The following PTPRD variants were observed in gnomAD, a reference collection of about 807,000 sequenced individuals.
PTPRD encodes the protein protein tyrosine phosphatase receptor type D.
A neutral mutation model predicts 214.5 loss-of-function variants in PTPRD; 34 were observed. The observed-to-expected ratio is 0.16, with a 90% CI of 0.12 to 0.21. The LOEUF is 0.21. Ranked by LOEUF, PTPRD falls within the 10% of genes least tolerant of loss-of-function variation. The probability of loss-of-function intolerance (pLI) is 1.00; values close to 1 mark genes in which losing one functional copy is unlikely to be tolerated. For synonymous variants in PTPRD, 1,128 were observed against 845.7 expected, an observed-to-expected ratio of 1.33 and a Z score of -5.79; for missense variants, 2,545 against 2,398.7, an observed-to-expected ratio of 1.06 and a Z score of -1.27.
At chr9:8,455,881 T>C (rs1405958249) in intron 33 of PTPRD, among the ~76,000 whole-genome samples, 6 of 152,154 alleles carry the variant, frequency 3.9e-5, no homozygotes, top group Non-Finnish European at 7.4e-5. Context: ...AAAAGGCTGT[T>C]TTGAGTATTC....
intron 9 of PTPRD, among the ~76,000 whole-genome samples, chr9:9,245,321 T>C (rs1298969756): frequency 6.6e-6 from 1 of 152,126 alleles, no homozygotes; most frequent in Non-Finnish European, 1.5e-5. Flanking sequence ...CATGCACACG[T>C]ATGTTTATTG....
intron 7 of PTPRD, among the ~76,000 whole-genome samples, chr9:9,596,630 A>G (rs2093372503): frequency 6.6e-6 from 1 of 152,048 alleles, no homozygotes; most frequent in South Asian, 2.1e-4. Context: ...TGACAAATAA[A>G]AAGCTGAATT....
intron 6 of PTPRD, among the ~76,000 whole-genome samples, chr9:9,756,855 A>G (rs999771477): frequency 6.6e-6 from 1 of 152,156 alleles, no homozygotes; most frequent in Admixed American, 6.6e-5. Context: ...ATTTTTCTAG[A>G]CTGAACATTA....
At chr9:10,332,225 A>G (rs988105691) in intron 3 of PTPRD, among the ~76,000 whole-genome samples, 5 of 151,918 alleles carry the variant, frequency 3.3e-5, no homozygotes, top group African/African-American at 1.2e-4. Context: ...ATAATATTGC[A>G]GAAGTTAATA....
At chr9:10,275,452 T>C (rs1451785768) in intron 3 of PTPRD, among the ~76,000 whole-genome samples, 2 of 151,984 alleles carry the variant, frequency 1.3e-5, no homozygotes, top group Non-Finnish European at 1.5e-5. Flanking sequence ...AGAGAGAGAA[T>C]TGATGTACTT....
chr9:8,589,710 T>C (rs888459525), intron 14 of PTPRD, among the ~76,000 whole-genome samples: 3 of 152,098 alleles, frequency 2.0e-5, no homozygotes, highest in Non-Finnish European at 4.4e-5. Flanking sequence ...TGGTACTTGG[T>C]TGCGTTGGCA....
At chr9:9,427,370 G>A (rs568310826) in intron 8 of PTPRD, among the ~76,000 whole-genome samples, 259 of 152,256 alleles carry the variant, frequency 1.7e-3, no homozygotes, top group African/African-American at 6.0e-3. Context: ...AGAAAAAAGA[G>A]TAAAAAGAAA....
At chr9:9,915,647 T>C (rs997220352) in intron 5 of PTPRD, among the ~76,000 whole-genome samples, 4 of 150,384 alleles carry the variant, frequency 2.7e-5, no homozygotes, top group African/African-American at 9.8e-5. Flanking sequence ...AAGAAACAAA[T>C]TTCTGACCTT....
At chr9:10,494,566 T>G (rs577704711) in intron 2 of PTPRD, among the ~76,000 whole-genome samples, 27 of 151,404 alleles carry the variant, frequency 1.8e-4, no homozygotes, top group African/African-American at 6.3e-4. Flanking sequence ...ATAATTTTTT[T>G]GTTTTGTTTA....
intron 3 of PTPRD, among the ~76,000 whole-genome samples, chr9:10,035,848 A>G (rs1196185572): frequency 1.3e-5 from 2 of 152,064 alleles, no homozygotes; most frequent in African/African-American, 4.8e-5. Flanking sequence ...GCATGAAAAG[A>G]TAAGTGAGTA....
intron 5 of PTPRD, among the ~76,000 whole-genome samples, chr9:9,777,569 A>G (rs2821496): frequency 0.45 from 67,521 of 151,580 alleles, 15,544 homozygotes; most frequent in East Asian, 0.7. Flanking sequence ...ATGGTGGCAC[A>G]TGCCTGTTGT....
intron 2 of PTPRD, among the ~76,000 whole-genome samples, chr9:10,531,013 G>A (rs1224566522): frequency 6.6e-6 from 1 of 151,774 alleles, no homozygotes; most frequent in African/African-American, 2.4e-5. Flanking sequence ...GCCACTGTGC[G>A]ATTGTGGCTC....
chr9:9,498,452 A>G lies in PTPRD; in HGVS notation c.-237+76280T>C, dbSNP rs546519135. 7.9e-5 allele frequency among the ~76,000 whole-genome samples: 12 copies of G among 152,268 alleles called. No individual in the cohort carries two copies. In the South Asian group the frequency reaches 2.5e-3, roughly 32 times the overall value. On this transcript the variant is annotated intron_variant, in intron 8 of 45. Coordinates refer to ENST00000381196, the MANE Select transcript of PTPRD (RefSeq NM_002839.4). The stretch of plus-strand genomic sequence containing the variant: ...GGGTTTCATTTAGATTTGATAAATT[A>G]TCATATCTCAGCTCAGGGAACTTTC...
chr9:9,874,063 G>A lies in PTPRD; in HGVS notation c.-368+64444C>T, dbSNP rs576682060. ...CCTCACAACAGATGAAATGTTTTTA[G>A]GACAAAAACATTTTAAAGGACCTTG... On this transcript the variant is annotated intron_variant, in intron 5 of 45. Coordinates refer to ENST00000381196, the MANE Select transcript of PTPRD (RefSeq NM_002839.4). 3.2e-4 allele frequency among the ~76,000 whole-genome samples: 49 copies of A among 152,142 alleles called. 1 individual carries two copies. Among genetic ancestry groups the A allele is most frequent in the South Asian group, 2.9e-3 (14 of 4,818 alleles).
chr9:9,087,666 G>A (rs573924832), intron 10 of PTPRD, among the ~76,000 whole-genome samples: 2 of 152,218 alleles, frequency 1.3e-5, no homozygotes, highest in Admixed American at 6.5e-5. Flanking sequence ...ACATGGGGAA[G>A]TGAATATCCC....
At chr9:10,157,231 G>C (rs73394294) in intron 3 of PTPRD, among the ~76,000 whole-genome samples, 2 of 152,124 alleles carry the variant, frequency 1.3e-5, no homozygotes, top group Non-Finnish European at 2.9e-5. Flanking sequence ...ATAGTCAGTG[G>C]TTTGTGTACT....
chr9:9,270,966 T>C (rs1942645552), intron 9 of PTPRD, among the ~76,000 whole-genome samples: 1 of 151,258 alleles, frequency 6.6e-6, no homozygotes, highest in Non-Finnish European at 1.5e-5. Context: ...AACTTATTAA[T>C]ATAAAGAAGA....
chr9:8,659,640 G>C (rs1310563994), intron 12 of PTPRD, among the ~76,000 whole-genome samples: 5 of 152,204 alleles, frequency 3.3e-5, no homozygotes, highest in African/African-American at 9.6e-5. Context: ...GGACCAAGAA[G>C]AGGGTACAGA....
At chr9:10,047,206 C>A (rs1350450060) in intron 3 of PTPRD, among the ~76,000 whole-genome samples, 2 of 151,768 alleles carry the variant, frequency 1.3e-5, no homozygotes, top group African/African-American at 4.8e-5. Context: ...CACTGGTGTG[C>A]AAATCTCTGC....
Sources: allele counts gnomAD v4.1 joint callset (sites outside exome capture counted in the v4.1 genomes callset), GRCh38; gene constraint gnomAD v4.1.1; transcripts MANE v1.5; gene names NCBI Gene and HGNC (gene_info 2026-07-23, HGNC 2026-07-21).